RBPJ: variants seen among roughly 807,000 people sequenced by gnomAD.
The protein encoded by RBPJ is recombination signal binding protein for immunoglobulin kappa J region.
In RBPJ, 9 loss-of-function variants were observed where a neutral mutation model predicts 67.8. The observed-to-expected ratio is 0.13, with a 90% confidence interval of 0.08 to 0.23. RBPJ has a LOEUF of 0.23. Ranked by LOEUF, RBPJ falls within the 10% of genes least tolerant of loss-of-function variation. The pLI, the probability that RBPJ is intolerant of heterozygous loss-of-function variation, is 1.00. For synonymous variants in RBPJ, 198 were observed against 203.3 expected (o/e 0.97, Z 0.22); for missense variants, 305 against 595.6 (o/e 0.51, Z 5.08).
At chr4:26,110,350 G>A in the RBPJ span, among the ~76,000 whole-genome samples, 8 of 152,148 alleles carry the variant, frequency 5.3e-5, no homozygotes, top group Non-Finnish European at 1.2e-4. This position sits in a 1 kb window ranked among gnomAD's most constrained non-coding sequence, Gnocchi z 4.5. Flanking sequence ...GTGGCATGGC[G>A]AATGTCCCTG....
chr4:26,403,548 C>T (rs963390302), intron 2 of RBPJ, among the ~76,000 whole-genome samples: 5 of 152,172 alleles, frequency 3.3e-5, no homozygotes, highest in Non-Finnish European at 5.9e-5. Flanking sequence ...GCTCCACCCT[C>T]AAGTAGACTT....
At chr4:26,233,989 A>G (rs1719373014) in intron 1 of RBPJ, among the ~76,000 whole-genome samples, 1 of 152,208 alleles carries the variant, frequency 6.6e-6, no homozygotes, top group African/African-American at 2.4e-5. Flanking sequence ...ATAATTGCAA[A>G]GAAGTAATGG....
intron 1 of RBPJ, among the ~76,000 whole-genome samples, chr4:26,234,840 A>C (rs563148083): frequency 1.3e-5 from 2 of 151,926 alleles, no homozygotes; most frequent in Admixed American, 1.3e-4. Flanking sequence ...TTACAGGCAC[A>C]TGCCACCACG....
upstream of RBPJ, among the ~76,000 whole-genome samples, chr4:26,317,438 G>A (rs979771602): frequency 6.6e-6 from 1 of 152,182 alleles, no homozygotes; most frequent in African/African-American, 2.4e-5. Flanking sequence ...GAGAGGTAGA[G>A]GAGGAGGTGA....
At chr4:26,197,932 T>C (rs1447561333) in intron 1 of RBPJ, among the ~76,000 whole-genome samples, 1 of 152,148 alleles carries the variant, frequency 6.6e-6, no homozygotes, top group Non-Finnish European at 1.5e-5. Context: ...ACTTTCCATA[T>C]ATTACTTTGT....
intron 1 of RBPJ, among the ~76,000 whole-genome samples, chr4:26,328,451 G>A (rs760383835): frequency 2.6e-4 from 40 of 152,248 alleles, no homozygotes; most frequent in Non-Finnish European, 4.7e-4. Flanking sequence ...GGGAGATTAT[G>A]GTAAGTGCTG....
At chr4:26,379,618 C>A (rs1730112381) in intron 1 of RBPJ, among the ~76,000 whole-genome samples, 1 of 152,106 alleles carries the variant, frequency 6.6e-6, no homozygotes, top group African/African-American at 2.4e-5. Context: ...ATGGGGGAAA[C>A]CTCCTCCATG....
intron 1 of RBPJ, among the ~76,000 whole-genome samples, chr4:26,325,262 A>G (rs1018681613): frequency 2.0e-5 from 3 of 152,166 alleles, no homozygotes; most frequent in African/African-American, 4.8e-5. Flanking sequence ...CTGGTTTACT[A>G]TGACGTACTG....
intron 1 of RBPJ, 151 bp downstream of exon 1, chr4:26,321,199 C>G (rs1165940188): frequency 4.9e-6 from 1 of 203,012 alleles, no homozygotes; most frequent in Admixed American, 6.5e-5. Flanking sequence ...GCGGCGGCGG[C>G]GTGTGGCCGT....
chr4:26,399,245 G>T (rs1390999031), intron 2 of RBPJ, among the ~76,000 whole-genome samples: 1 of 152,128 alleles, frequency 6.6e-6, no homozygotes, highest in Non-Finnish European at 1.5e-5. Flanking sequence ...TTCTAATTAA[G>T]CCGTTCCATT....
intron 1 of RBPJ, among the ~76,000 whole-genome samples, chr4:26,248,594 A>G (rs1342525777): frequency 2.6e-5 from 4 of 152,236 alleles, no homozygotes; most frequent in African/African-American, 7.2e-5. Context: ...AAGGGAAAAT[A>G]AACTATATCC....
intron 1 of RBPJ, among the ~76,000 whole-genome samples, chr4:26,235,847 G>T (rs1719435325): frequency 6.6e-6 from 1 of 152,254 alleles, no homozygotes; most frequent in African/African-American, 2.4e-5. Context: ...ATGACAGATT[G>T]TTGGCTAAGC....
intron 1 of RBPJ, among the ~76,000 whole-genome samples, chr4:26,351,457 G>T (rs1215959947): frequency 4.6e-5 from 7 of 152,102 alleles, no homozygotes; most frequent in African/African-American, 1.7e-4. Flanking sequence ...CTCAGCTCAC[G>T]GCAACCTCTG....
chr4:26,275,226 G>A (rs1327451143), intron 1 of RBPJ, among the ~76,000 whole-genome samples: 1 of 152,182 alleles, frequency 6.6e-6, no homozygotes, highest in African/African-American at 2.4e-5. Context: ...TTTCACTGCT[G>A]TCCCCTGACT....
chr4:26,249,944 C>A (rs1449279676), intron 1 of RBPJ, among the ~76,000 whole-genome samples: 2 of 151,626 alleles, frequency 1.3e-5, no homozygotes, highest in Non-Finnish European at 2.9e-5. Context: ...TGCCACCATG[C>A]CTGGCTAATT....
At chr4:26,426,015 T>C (rs1735629914) in intron 7 of RBPJ, among the ~76,000 whole-genome samples, 1 of 152,078 alleles carries the variant, frequency 6.6e-6, no homozygotes, top group Admixed American at 6.6e-5. Flanking sequence ...CCCATGTCAA[T>C]GCAATAAGCT....
At chr4:26,201,729 A>G (rs956102626) in intron 1 of RBPJ, among the ~76,000 whole-genome samples, 1 of 152,166 alleles carries the variant, frequency 6.6e-6, no homozygotes, top group South Asian at 2.1e-4. Flanking sequence ...TATTTTTCTA[A>G]CGTTCTAAAC....
At chr4:26,332,532 A>G (rs1406101774) in intron 1 of RBPJ, among the ~76,000 whole-genome samples, 1 of 152,236 alleles carries the variant, frequency 6.6e-6, no homozygotes, top group Non-Finnish European at 1.5e-5. Context: ...TTTCAGGGAA[A>G]TGACCATCTT....
chr4:26,198,394 A>C (rs1324960325), intron 1 of RBPJ, among the ~76,000 whole-genome samples: 1 of 152,230 alleles, frequency 6.6e-6, no homozygotes, highest in African/African-American at 2.4e-5. Context: ...TCAAGGGTTC[A>C]TTGCTGTATC....
Sources: gnomAD v4.1 joint callset for allele counts (sites outside exome capture counted in the v4.1 genomes callset) on GRCh38, gnomAD v4.1.1 for gene constraint, Gnocchi (gnomAD v3.1) non-coding constraint, MANE v1.5 for transcripts, NCBI Gene and HGNC (gene_info 2026-07-23, HGNC 2026-07-21) for gene names.